Variants in ENOX1 observed in about 807,000 individuals in gnomAD.
ENOX1 encodes ecto-NOX disulfide-thiol exchanger 1.
In ENOX1, 42 loss-of-function variants were observed where a neutral mutation model predicts 82.5. The ratio of observed to expected loss-of-function variants is 0.51; its 90% confidence interval spans 0.40 to 0.66. ENOX1 has a LOEUF of 0.66. Ranked by LOEUF, ENOX1 falls within the 30% of genes least tolerant of loss-of-function variation. ENOX1 has a pLI of 0.00. For missense variants in ENOX1, 608 were observed against 811.6 expected (o/e 0.75, Z 3.05); for synonymous variants, 271 against 282.2 (o/e 0.96, Z 0.40).
At chr13:43,347,243 A>C (rs970908373) in intron 8 of ENOX1, among the ~76,000 whole-genome samples, 1 of 152,242 alleles carries the variant, frequency 6.6e-6, no homozygotes, top group Non-Finnish European at 1.5e-5. Flanking sequence ...TTTCAGAAAG[A>C]GGAAACAATA....
chr13:43,714,687 T>G (rs2087985959), intron 1 of ENOX1, among the ~76,000 whole-genome samples: 3 of 152,234 alleles, frequency 2.0e-5, no homozygotes, highest in Non-Finnish European at 4.4e-5. Flanking sequence ...TTTGTCTCTT[T>G]TGATCTTTGT....
At chr13:43,750,506 A>C (rs1334412130) in intron 1 of ENOX1, among the ~76,000 whole-genome samples, 2 of 152,202 alleles carry the variant, frequency 1.3e-5, no homozygotes, top group African/African-American at 4.8e-5. Flanking sequence ...AACTACACTG[A>C]GATACCTTCC....
chr13:43,431,267 T>C (rs183872425), intron 3 of ENOX1, among the ~76,000 whole-genome samples: 2 of 152,272 alleles, frequency 1.3e-5, no homozygotes, highest in East Asian at 3.9e-4. Flanking sequence ...CTTCTTCTCT[T>C]GGAGCTCCCG....
chr13:43,589,023 T>C (rs1244894340), intron 2 of ENOX1, among the ~76,000 whole-genome samples: 5 of 151,902 alleles, frequency 3.3e-5, no homozygotes. Context: ...TCTCCTTTCA[T>C]AAAACATTTG....
chr13:43,504,769 A>G (rs1408704111), intron 2 of ENOX1, among the ~76,000 whole-genome samples: 1 of 151,516 alleles, frequency 6.6e-6, no homozygotes, highest in Admixed American at 6.6e-5. Context: ...AATATTTTGT[A>G]AGACTTAAAA....
intron 3 of ENOX1, among the ~76,000 whole-genome samples, chr13:43,432,661 TAAATAA>T (rs1211993836): frequency 2.0e-5 from 3 of 152,034 alleles, no homozygotes; most frequent in Non-Finnish European, 4.4e-5. Context: ...AATAAATACA[TAAATAA>T]AAATAGAAAG....
chr13:43,471,809 C>CAAAAAA (rs5803181), intron 3 of ENOX1, among the ~76,000 whole-genome samples: 14 of 124,514 alleles, frequency 1.1e-4, no homozygotes, highest in Admixed American at 2.6e-4. Context: ...GACTCCGTCT[C>CAAAAAA]AAAAAAAAAA....
intron 3 of ENOX1, among the ~76,000 whole-genome samples, chr13:43,429,051 T>C (rs1181859873): frequency 6.6e-6 from 1 of 152,168 alleles, no homozygotes; most frequent in Non-Finnish European, 1.5e-5. Flanking sequence ...GGCAAGTCGC[T>C]TTCTCTGACT....
intron 3 of ENOX1, among the ~76,000 whole-genome samples, chr13:43,452,116 CTCTT>C (rs928822349): frequency 6.6e-6 from 1 of 152,056 alleles, no homozygotes; most frequent in African/African-American, 2.4e-5. Context: ...ACAGATCTAC[CTCTT>C]TCTTTCTTTT....
intron 12 of ENOX1, among the ~76,000 whole-genome samples, chr13:43,284,938 G>A (rs944913378): frequency 2.0e-5 from 3 of 151,912 alleles, no homozygotes; most frequent in African/African-American, 7.3e-5. Context: ...ATGTAGAGAA[G>A]GAGAGTCAGA....
At chr13:43,785,569 T>C (rs911452871) in intron 1 of ENOX1, among the ~76,000 whole-genome samples, 8 of 152,226 alleles carry the variant, frequency 5.3e-5, no homozygotes, top group Non-Finnish European at 1.2e-4. Context: ...TTTTTTCATG[T>C]AATGTTACAG....
At chr13:43,430,749 G>A (rs533525087) in intron 3 of ENOX1, among the ~76,000 whole-genome samples, 1 of 152,240 alleles carries the variant, frequency 6.6e-6, no homozygotes, top group East Asian at 1.9e-4. Context: ...CAATTTAATA[G>A]AAAATAAAAA....
chr13:43,369,978 A>G (rs2051114156), intron 5 of ENOX1, among the ~76,000 whole-genome samples: 1 of 152,154 alleles, frequency 6.6e-6, no homozygotes, highest in Non-Finnish European at 1.5e-5. Context: ...TCACCACAGC[A>G]TTATTTCTGT....
At chr13:43,523,474 G>A (rs1322231878) in intron 2 of ENOX1, among the ~76,000 whole-genome samples, 2 of 152,112 alleles carry the variant, frequency 1.3e-5, no homozygotes, top group African/African-American at 4.8e-5. Flanking sequence ...ATGCGAGGAG[G>A]GCAAACCATT....
At chr13:43,497,955 A>T (rs988133417) in intron 2 of ENOX1, among the ~76,000 whole-genome samples, 2 of 152,148 alleles carry the variant, frequency 1.3e-5, no homozygotes, top group African/African-American at 2.4e-5. Context: ...AGATTTAGTA[A>T]ATTTTATCTT....
At chr13:43,359,462 A>G (rs2050361697) in intron 7 of ENOX1, among the ~76,000 whole-genome samples, 1 of 152,252 alleles carries the variant, frequency 6.6e-6, no homozygotes, top group African/African-American at 2.4e-5. Flanking sequence ...TTGCTTTGGT[A>G]CCTTGGTGTC....
chr13:43,717,472 T>C (rs1157575433), intron 1 of ENOX1, among the ~76,000 whole-genome samples: 4 of 152,166 alleles, frequency 2.6e-5, no homozygotes, highest in Admixed American at 2.0e-4. Context: ...CTTCTCAACA[T>C]TGGCTTTGGC....
rs576657677 is a variant in ENOX1 at position 43,281,914 on chromosome 13, A to G, written c.1447-12337T>C. On this transcript the variant is annotated intron_variant, in intron 12 of 16. Transcript: ENST00000690772. ...TAAATCATGATACAAAGCAAGTGAC[A>G]TAAATCAGTTGCATTCTAGTCCAAG... 2.0e-5 allele frequency among the ~76,000 whole-genome samples: 3 copies of G among 152,312 alleles called. No individual in the cohort carries two copies. In the South Asian group the frequency reaches 6.2e-4, roughly 32 times the overall value.
At chr13:43,366,734 G>A (rs150767981) in intron 5 of ENOX1, among the ~76,000 whole-genome samples, 35 of 152,278 alleles carry the variant, frequency 2.3e-4, no homozygotes, top group African/African-American at 8.2e-4. Flanking sequence ...CTGCAGTCAT[G>A]CACTGGCTGT....
Sources: allele counts gnomAD v4.1 joint callset (sites outside exome capture counted in the v4.1 genomes callset), GRCh38; gene constraint gnomAD v4.1.1; transcripts MANE v1.5; gene names NCBI Gene and HGNC (gene_info 2026-07-23, HGNC 2026-07-21).